SLC13A2: variants seen among roughly 807,000 people sequenced by gnomAD.
SLC13A2 encodes Na(+)-coupled citrate transporter.
Under a neutral mutation model 58.5 loss-of-function variants are expected in SLC13A2, and 40 were observed. That is an observed-to-expected ratio of 0.68 (90% confidence interval 0.53 to 0.89). The LOEUF is 0.89. Ranked by LOEUF, SLC13A2 falls within the 40% of genes least tolerant of loss-of-function variation. The pLI is 0.00. For missense variants in SLC13A2, 694 were observed against 772.6 expected (o/e 0.90, Z 1.21); for synonymous variants, 341 against 331.6 (o/e 1.03, Z -0.31).
At chr17:28,480,005 T>C (rs1555600756) in intron 1 of SLC13A2, among the ~76,000 whole-genome samples, 2 of 151,902 alleles carry the variant, frequency 1.3e-5, no homozygotes, top group Admixed American at 6.6e-5. Flanking sequence ...AAATACAAAA[T>C]TAGCTGGGCG....
chr17:28,488,017 G>A (rs1352614372), intron 1 of SLC13A2, among the ~76,000 whole-genome samples: 1 of 152,220 alleles, frequency 6.6e-6, no homozygotes, highest in South Asian at 2.1e-4. Flanking sequence ...TAATAGTTCT[G>A]TGACCCTGAG....
chr17:28,476,781 A>G (rs1555600006), intron 1 of SLC13A2, among the ~76,000 whole-genome samples: 1 of 152,204 alleles, frequency 6.6e-6, no homozygotes, highest in Non-Finnish European at 1.5e-5. Context: ...TTCCTGCACT[A>G]GAATGTCGGC....
intron 1 of SLC13A2, among the ~76,000 whole-genome samples, chr17:28,477,743 T>C (rs116816739): frequency 1.1e-3 from 167 of 152,340 alleles, no homozygotes; most frequent in African/African-American, 3.9e-3. Context: ...TTAGATCATT[T>C]ATTCCTTTCA....
chr17:28,497,615 C>T lies in SLC13A2; in HGVS notation c.*346C>T, dbSNP rs2069173694. ...GTGTTCACAGACAATACAACATGCC[C>T]TCTCTGGTGCCCCAGGTCTTGGTAT... On this transcript the variant is annotated 3_prime_UTR_variant, in exon 12 of 12. Coordinates refer to ENST00000314669, the MANE Select transcript of SLC13A2 (RefSeq NM_003984.4). 8.6e-6 allele frequency: 2 copies of T among 233,614 alleles called. No individual in the cohort carries two copies. Among genetic ancestry groups the T allele is most frequent in the Admixed American group, 1.1e-4 (2 of 18,524 alleles). 14.5% of individuals were successfully genotyped at this position (233,614 alleles called of 1,614,324 possible).
rs958352861 is a variant in SLC13A2 at position 28,496,698 on chromosome 17, T to A, written c.1608+111T>A. On this transcript the variant is annotated intron_variant, in intron 11 of 11. Transcript: ENST00000314669. This position sits in a 1 kb window ranked among gnomAD's most constrained non-coding sequence, Gnocchi z 4.2. Reference sequence around the variant, plus strand: ...ACTGAGAGTCTCAGAGTTGAGCGGGTCCTCATCTGGAATGAAGGTGCAGTT... The same window carrying A: ...ACTGAGAGTCTCAGAGTTGAGCGGGACCTCATCTGGAATGAAGGTGCAGTT... 2.1e-6 allele frequency: 3 copies of A among 1,433,506 alleles called. No homozygotes were observed. Among genetic ancestry groups the A allele is most frequent in the Non-Finnish European group, 2.8e-6 (3 of 1,067,168 alleles). 88.8% of individuals were successfully genotyped at this position (1,433,506 alleles called of 1,614,324 possible).
chr17:28,486,580 G>A (rs2068886368), intron 1 of SLC13A2, among the ~76,000 whole-genome samples: 1 of 152,118 alleles, frequency 6.6e-6, no homozygotes, highest in Non-Finnish European at 1.5e-5. Context: ...GTTTTGATCT[G>A]AGACTGAGGA....
Position 28,494,457 on chromosome 17 carries a change from C to G in SLC13A2, c.1253C>G (p.Pro418Arg). The G allele has an allele frequency of 1.9e-6, 3 of 1,614,056 alleles. No homozygotes were observed. ...TGGAAGACGGTGAACCAGAAGATGCCGTGGAATATCGTGTTATTGCTGGGT... is the reference window on the plus strand; with the variant it reads ...TGGAAGACGGTGAACCAGAAGATGCGGTGGAATATCGTGTTATTGCTGGGT... ...LDWKTVNQKM[P>R]WNIVLLLGGG... Residue 418 changes from proline to arginine, a missense_variant, in exon 9 of 12, where the codon CCG becomes CGG. Pro to Arg is a moderately radical substitution (Grantham distance 103). Transcript: ENST00000314669. This position sits in a 1 kb window ranked among gnomAD's most constrained non-coding sequence, Gnocchi z 4.0.
At chr17:28,480,122 C>A (rs1349284225) in intron 1 of SLC13A2, among the ~76,000 whole-genome samples, 2 of 150,800 alleles carry the variant, frequency 1.3e-5, no homozygotes, top group Admixed American at 6.6e-5. Context: ...CCACTGCACT[C>A]CAGCCTGGGC....
chr17:28,474,081 A>C (rs1555599476), intron 1 of SLC13A2, among the ~76,000 whole-genome samples: 2 of 152,166 alleles, frequency 1.3e-5, no homozygotes, highest in Non-Finnish European at 2.9e-5. Context: ...CAGTTCCATC[A>C]ACAAGATGCA....
At chr17:28,491,328 G>T in intron 4 of SLC13A2, 109 bp from the exon 5 acceptor site, 1 of 1,232,092 alleles carries the variant, frequency 8.1e-7, no homozygotes, top group Non-Finnish European at 1.1e-6. Context: ...TTCCAGCCCC[G>T]GTCTGGGCTG....
In SLC13A2 at chr17:28,489,330, G is replaced by A. The variant is rs11568469; in HGVS notation, c.219G>A (p.Val73=). ...PLILFPMMGI[V]DASEVAVEYL... ...TCCTGTTCCCTATGATGGGCATCGT[G>A]GATGCCTCTGAGGTGAGCCCCATCC... Residue 73 remains valine (V), a synonymous_variant, in exon 2 of 12, where the codon GTG becomes GTA. Transcript: ENST00000314669. 3.1e-3 allele frequency: 4,908 copies of A among 1,602,494 alleles called. 11 individuals are homozygous for A. Among genetic ancestry groups the A allele is most frequent in the Middle Eastern group, 6.1e-3 (37 of 6,034 alleles).
chr17:28,494,002 C>A lies in SLC13A2; in HGVS notation c.1098-15C>A. 6.2e-7 allele frequency: 1 copy of A among 1,612,918 alleles called. No individual in the cohort carries two copies. Among genetic ancestry groups the A allele is most frequent in the African/African-American group, 1.3e-5 (1 of 75,014 alleles). ...GCGGCTAACCCAGCCCTCCCCGCGCCCCCTCCACCAACAGCATGGTGTCCG... is the reference window on the plus strand; with the variant it reads ...GCGGCTAACCCAGCCCTCCCCGCGCACCCTCCACCAACAGCATGGTGTCCG... On this transcript the variant is annotated splice_polypyrimidine_tract_variant and intron_variant, in intron 7 of 11. Coordinates refer to ENST00000314669, the MANE Select transcript of SLC13A2 (RefSeq NM_003984.4). This position sits in a 1 kb window ranked among gnomAD's most constrained non-coding sequence, Gnocchi z 4.0.
Position 28,494,061 on chromosome 17 carries a change from T to TGTTCATCATACCCTCCAA in SLC13A2, c.1147_1164dup (p.Ile383_Phe388dup). 2 of 1,614,102 alleles carry TGTTCATCATACCCTCCAA rather than the reference T, an allele frequency of 1.2e-6. No homozygotes were observed. Among genetic ancestry groups the TGTTCATCATACCCTCCAA allele is most frequent in the Non-Finnish European group, 1.7e-6 (2 of 1,180,014 alleles). ...GTGGCCATCTTCATCGGCATAATTATGTTCATCATACCCTCCAAGTTCCCA... is the reference window on the plus strand; with the variant it reads ...GTGGCCATCTTCATCGGCATAATTATGTTCATCATACCCTCCAAGTTCATCATACCCTCCAAGTTCCCA... On this transcript the variant is annotated inframe_insertion, in exon 8 of 12. Transcript: ENST00000314669. The surrounding 1 kb of genome is among the most constrained non-coding windows in gnomAD (Gnocchi z 4.0).
At position 28,496,849 on chromosome 17, in the gene SLC13A2, C is replaced by T. The variant is rs1015941229; in HGVS notation, c.1609-250C>T. Among the ~76,000 whole-genome samples, 4 of 152,186 alleles carry T rather than the reference C, an allele frequency of 2.6e-5. No homozygotes were observed. The highest frequency in any genetic ancestry group is 4.4e-5 in the Non-Finnish European group (3 of 68,040). ...CTCCAAGGTGCCAGGCACCCACACT[C>T]AGGGAGATGAGCTCAGAGAGAACAA... On this transcript the variant is annotated intron_variant, in intron 11 of 11. Coordinates refer to ENST00000314669, the MANE Select transcript of SLC13A2 (RefSeq NM_003984.4). This position sits in a 1 kb window ranked among gnomAD's most constrained non-coding sequence, Gnocchi z 4.2.
At chr17:28,493,855 G>A (rs1555604079) in intron 7 of SLC13A2, 66 bp downstream of exon 7, 2 of 1,563,376 alleles carry the variant, frequency 1.3e-6, no homozygotes, top group Admixed American at 1.7e-5. Flanking sequence ...GGAGGGAAGG[G>A]TATAGGGCCC....
rs1260993637 is a variant in SLC13A2 at position 28,494,878 on chromosome 17, C to T, written c.1308+366C>T. Among the ~76,000 whole-genome samples the T allele has an allele frequency of 6.6e-6, 1 of 152,114 alleles. No individual in the cohort carries two copies. The highest frequency in any genetic ancestry group is 2.4e-5 in the African/African-American group (1 of 41,410). ...GGTTGTGTTGACGCGGTCTGCCCTC[C>T]GCAGCCACCAGGGGGCACCATGATC... On this transcript the variant is annotated intron_variant, in intron 9 of 11. Transcript: ENST00000314669. This position sits in a 1 kb window ranked among gnomAD's most constrained non-coding sequence, Gnocchi z 4.0.
chr17:28,479,428 A>G (rs532772286), intron 1 of SLC13A2, among the ~76,000 whole-genome samples: 4 of 152,206 alleles, frequency 2.6e-5, no homozygotes, highest in South Asian at 2.1e-4. Flanking sequence ...GAGGTCAGCC[A>G]ATGTCAGCCC....
In SLC13A2 at chr17:28,490,160, G is replaced by C. The variant is rs1481699201; in HGVS notation, c.232-294G>C. 4 of 718,992 alleles carry C rather than the reference G, an allele frequency of 5.6e-6. No homozygotes were observed. In the African/African-American group the frequency reaches 7.1e-5, roughly 13 times the overall value. The allele number at this position is 718,992 out of a possible 1,614,324, so 44.5% of individuals were successfully genotyped here. The stretch of plus-strand genomic sequence containing the variant: ...ATGGTGGTGCGTGCCTGTAGTCCCA[G>C]CTACTTGGGAGGCTGAGGTGGGAGG... On this transcript the variant is annotated intron_variant, in intron 2 of 11. Coordinates refer to ENST00000314669, the MANE Select transcript of SLC13A2 (RefSeq NM_003984.4).
chr17:28,496,970 G>C lies in SLC13A2; in HGVS notation c.1609-129G>C. The C allele has an allele frequency of 1.1e-6, 1 of 942,852 alleles. No homozygotes were observed. The highest frequency in any genetic ancestry group is 1.5e-5 in the South Asian group (1 of 65,144). The allele number at this position is 942,852 out of a possible 1,614,324, so 58.4% of individuals were successfully genotyped here. A position where few individuals can be genotyped will look rare whatever the true frequency, so the allele number is the denominator to read the frequency against. On this transcript the variant is annotated intron_variant, in intron 11 of 11. Transcript: ENST00000314669. This position sits in a 1 kb window ranked among gnomAD's most constrained non-coding sequence, Gnocchi z 4.2. ...AAGGCATTGGCTATGCTGCAGGTTAGACCAACGGGAGGACTTCCCAGAGAG... is the reference window on the plus strand; with the variant it reads ...AAGGCATTGGCTATGCTGCAGGTTACACCAACGGGAGGACTTCCCAGAGAG...
Sources: allele counts gnomAD v4.1 joint callset (sites outside exome capture counted in the v4.1 genomes callset), GRCh38; gene constraint gnomAD v4.1.1; non-coding constraint Gnocchi (gnomAD v3.1); transcripts MANE v1.5; gene names NCBI Gene and HGNC (gene_info 2026-07-23, HGNC 2026-07-21).